Variants in ENTPD5 observed in about 807,000 individuals in gnomAD.
ENTPD5 encodes nucleoside diphosphate phosphatase ENTPD5.
In ENTPD5, 49 loss-of-function variants were observed where a neutral mutation model predicts 60.2. The observed-to-expected ratio is 0.81, with a 90% CI of 0.65 to 1.03. The LOEUF (loss-of-function observed/expected upper bound fraction) is 1.03, where lower values mean the gene tolerates loss of function less well. ENTPD5 is among the 50% of genes least tolerant of loss of function. The probability of loss-of-function intolerance (pLI) is 0.00; values close to 1 mark genes in which losing one functional copy is unlikely to be tolerated. For synonymous variants in ENTPD5, 187 were observed against 185.4 expected (o/e 1.01, Z -0.07); for missense variants, 480 against 507.6 (o/e 0.95, Z 0.52).
downstream of ENTPD5, chr14:73,955,644 A>G: frequency 2.2e-6 from 3 of 1,357,804 alleles, no homozygotes; most frequent in South Asian, 3.5e-5. Flanking sequence ...AAGTGGGGAG[A>G]AGCATTCCCA....
chr14:73,977,362 A>G lies in ENTPD5; in HGVS notation c.454T>C (p.Phe152Leu). The change falls in exon 7 of 16, where the codon TTC becomes CTC. Residue 152 changes from phenylalanine to leucine, a missense_variant. Transcript: ENST00000334696. ...GGTACCAGGAAAGGTGACTTCCTGA[A>G]GATCTCCTTTACCTAGAGAAAAAGG... The part of the protein sequence containing the change: ...KALLFEVKEI[F>L]RKSPFLVPKG... 6.3e-7 allele frequency: 1 copy of G among 1,597,596 alleles called. No individual in the cohort carries two copies. The highest frequency in any genetic ancestry group is 8.6e-7 in the Non-Finnish European group (1 of 1,166,840).
At chr14:73,992,728 T>A (rs1594913123) in intron 3 of ENTPD5, among the ~76,000 whole-genome samples, 1 of 142,932 alleles carries the variant, frequency 7.0e-6, no homozygotes, top group African/African-American at 2.6e-5. Flanking sequence ...TGCAGCTGGG[T>A]GTGGTGGCGC....
At chr14:74,010,288 C>T (rs1479088460) in intron 3 of ENTPD5, among the ~76,000 whole-genome samples, 1 of 152,148 alleles carries the variant, frequency 6.6e-6, no homozygotes, top group East Asian at 1.9e-4. Context: ...GGCGCAGTGG[C>T]TCACGCCTGT....
At chr14:73,991,665 A>G (rs1233396572) in intron 3 of ENTPD5, among the ~76,000 whole-genome samples, 4 of 149,350 alleles carry the variant, frequency 2.7e-5, no homozygotes, top group Non-Finnish European at 5.9e-5. Context: ...TGTGTAAGGT[A>G]GGATGTTTAG....
At chr14:74,000,496 A>C (rs1417795744) in intron 3 of ENTPD5, among the ~76,000 whole-genome samples, 1 of 147,628 alleles carries the variant, frequency 6.8e-6, no homozygotes, top group Non-Finnish European at 1.5e-5. Context: ...ATATAAAAGA[A>C]ATGGCTGGGC....
At chr14:74,008,439 A>G (rs4903171) in intron 3 of ENTPD5, among the ~76,000 whole-genome samples, 23,898 of 146,964 alleles carry the variant, frequency 0.16, 2,047 homozygotes, top group Admixed American at 0.22. Flanking sequence ...CCCAGGCTGG[A>G]GTGCAGTGGC....
chr14:74,018,245 A>C (rs1267375151), intron 1 of ENTPD5, among the ~76,000 whole-genome samples: 1 of 152,180 alleles, frequency 6.6e-6, no homozygotes, highest in East Asian at 1.9e-4. Context: ...CAGAAGAAAC[A>C]GAAATTCAGA....
At chr14:74,000,866 T>C (rs547373070) in intron 3 of ENTPD5, among the ~76,000 whole-genome samples, 1 of 152,036 alleles carries the variant, frequency 6.6e-6, no homozygotes, top group Non-Finnish European at 1.5e-5. Flanking sequence ...ACCAGATGTG[T>C]ATAAAGACCA....
At chr14:74,000,044 C>T (rs544263248) in intron 3 of ENTPD5, among the ~76,000 whole-genome samples, 1 of 144,638 alleles carries the variant, frequency 6.9e-6, no homozygotes, top group Admixed American at 7.1e-5. Flanking sequence ...GCCGAGGTCG[C>T]GTCACTGCAC....
intron 3 of ENTPD5, among the ~76,000 whole-genome samples, chr14:74,006,278 C>G (rs908119151): frequency 6.8e-6 from 1 of 147,556 alleles, no homozygotes; most frequent in Non-Finnish European, 1.5e-5. Flanking sequence ...AGCCACCTCG[C>G]CAAGCCTTTT....
In ENTPD5 at chr14:73,986,816, G is replaced by T; in HGVS notation, c.295C>A (p.Gln99Lys). 6.2e-7 allele frequency: 1 copy of T among 1,612,448 alleles called. No homozygotes were observed. The highest frequency in any genetic ancestry group is 8.5e-7 in the Non-Finnish European group (1 of 1,178,474). ...ACATCAAATCATAAGAAACTCACCT[G>T]CTTAGGTTGATCTACAAAAGCAGAA... ...GLSAFVDQPKQGAETVQGLLE... is the reference protein window; with the variant it reads ...GLSAFVDQPKKGAETVQGLLE... Residue 99 changes from glutamine (Q) to lysine (K), a missense_variant and splice_region_variant, in exon 5 of 16, where the codon CAG (glutamine) becomes AAG (lysine). By Grantham distance (53) the Gln-to-Lys change is moderately conservative (BLOSUM62 1). Transcript: ENST00000334696.
At chr14:74,016,193 G>C (rs923103459) in intron 1 of ENTPD5, among the ~76,000 whole-genome samples, 1 of 152,242 alleles carries the variant, frequency 6.6e-6, no homozygotes, top group South Asian at 2.1e-4. Flanking sequence ...CCAGTTCTTT[G>C]GTAGAAAATG....
At chr14:73,961,328 G>A (rs756757135), downstream of ENTPD5, 4 of 1,614,200 alleles carry the variant, frequency 2.5e-6, no homozygotes, top group Non-Finnish European at 3.4e-6. Flanking sequence ...TTCCTCTTGG[G>A]TTGGGACATG....
At position 73,977,071 on chromosome 14, in the gene ENTPD5, G is replaced by A. The variant is rs1225675870; in HGVS notation, c.518-12C>T. The A allele has an allele frequency of 2.5e-6, 4 of 1,611,574 alleles. No homozygotes were observed. The highest frequency in any genetic ancestry group is 2.5e-6 in the Non-Finnish European group (3 of 1,178,974). ...CCAAGCTAATATGCCTAAAAAGAAA[G>A]AAAGACAAGGATTAGATCCCAGAGC... On this transcript the variant is annotated splice_polypyrimidine_tract_variant and intron_variant, in intron 7 of 15. Transcript: ENST00000334696.
intron 3 of ENTPD5, among the ~76,000 whole-genome samples, chr14:74,006,315 G>C (rs1192699478): frequency 8.0e-6 from 1 of 125,774 alleles, no homozygotes; most frequent in Non-Finnish European, 1.6e-5. Flanking sequence ...ACGGAGTCTC[G>C]CTCTGCTGCC....
intron 11 of ENTPD5, among the ~76,000 whole-genome samples, chr14:73,974,680 G>A (rs1222141433): frequency 6.6e-6 from 1 of 152,194 alleles, no homozygotes; most frequent in African/African-American, 2.4e-5. Flanking sequence ...CAGCTGCCTA[G>A]ACATAGGCTG....
chr14:74,017,380 C>T (rs756833252), intron 1 of ENTPD5, among the ~76,000 whole-genome samples: 22 of 150,222 alleles, frequency 1.5e-4, no homozygotes, highest in Admixed American at 7.3e-4. Context: ...ATAAGGTTTA[C>T]GCCAGCCTGA....
At chr14:73,982,321 T>A (rs1226983187) in intron 6 of ENTPD5, among the ~76,000 whole-genome samples, 1 of 152,124 alleles carries the variant, frequency 6.6e-6, no homozygotes, top group African/African-American at 2.4e-5. Flanking sequence ...GCAATCCACC[T>A]GCCTCAGCCT....
intron 3 of ENTPD5, among the ~76,000 whole-genome samples, chr14:74,008,491 C>A (rs1020033890): frequency 1.3e-5 from 2 of 151,522 alleles, no homozygotes; most frequent in African/African-American, 4.9e-5. Flanking sequence ...CGCAGGTTCA[C>A]GCCACCATTC....
Sources: gnomAD v4.1 joint callset for allele counts (sites outside exome capture counted in the v4.1 genomes callset) on GRCh38, gnomAD v4.1.1 for gene constraint, MANE v1.5 for transcripts, NCBI Gene and HGNC (gene_info 2026-07-23, HGNC 2026-07-21) for gene names.